The following C6 variants were observed in gnomAD, a reference collection of about 807,000 sequenced individuals.
C6 encodes complement component C6.
Under a neutral mutation model 112.9 loss-of-function variants are expected in C6, and 101 were observed. That is an observed-to-expected ratio of 0.89 (90% CI 0.76 to 1.06). The LOEUF is 1.06. C6 is among the 50% of genes least tolerant of loss of function. C6 has a pLI of 0.00. For synonymous variants in C6, 431 were observed against 384.1 expected (o/e 1.12, Z -1.43); for missense variants, 1,202 against 1,104.6 (o/e 1.09, Z -1.25).
chr5:41,214,537 T>C (rs1165750544), upstream of C6, among the ~76,000 whole-genome samples: 2 of 152,150 alleles, frequency 1.3e-5, no homozygotes, highest in Admixed American at 6.6e-5. Flanking sequence ...ATTTTAAAGA[T>C]TGAAATTTGG....
At chr5:41,145,600 A>G (rs369574797) in intron 17 of C6, among the ~76,000 whole-genome samples, 1 of 152,228 alleles carries the variant, frequency 6.6e-6, no homozygotes, top group African/African-American at 2.4e-5. Flanking sequence ...ATGGGGAAAA[A>G]TAGGGAAAGG....
At chr5:41,197,377 GTT>G (rs996400162) in intron 4 of C6, among the ~76,000 whole-genome samples, 2 of 152,020 alleles carry the variant, frequency 1.3e-5, no homozygotes, top group African/African-American at 4.8e-5. Context: ...TGCATTTCTA[GTT>G]TTTTTGTTTT....
Position 41,201,679 on chromosome 5 carries a change from A to T in C6, c.179T>A (p.Phe60Tyr). Residue 60 changes from phenylalanine (F) to tyrosine (Y), a missense_variant, in exon 3 of 18, where the codon TTT (phenylalanine) becomes TAT (tyrosine). Physicochemically the swap from Phe to Tyr is conservative, Grantham distance 22. Transcript: ENST00000337836. Reference protein sequence around the residue: ...IVVDKYYQENFCEQICSKQET... With the variant: ...IVVDKYYQENYCEQICSKQET... ...CTGCTTGCTGCAAATCTGTTCACAA[A>T]AGTTTTCCTGGTAGTACTTATCTAC... is the stretch of plus-strand genomic sequence containing the variant. 1.2e-6 allele frequency: 2 copies of T among 1,613,746 alleles called. No individual in the cohort carries two copies. Among genetic ancestry groups the T allele is most frequent in the South Asian group, 1.1e-5 (1 of 91,070 alleles).
At chr5:41,157,615 T>G in intron 13 of C6, among the ~76,000 whole-genome samples, 1 of 152,198 alleles carries the variant, frequency 6.6e-6, no homozygotes, top group South Asian at 2.1e-4. Context: ...CATAGATTGA[T>G]GGCTCTTGTT....
At chr5:41,203,342 A>G in intron 1 of C6, 92 bp from the exon 2 acceptor site, 1 of 1,386,558 alleles carries the variant, frequency 7.2e-7, no homozygotes, top group Non-Finnish European at 1.0e-6. Flanking sequence ...ATGTGATTTT[A>G]GAAAATATTT....
upstream of C6, among the ~76,000 whole-genome samples, chr5:41,217,670 TTTAG>T (rs1436401701): frequency 6.6e-6 from 1 of 152,146 alleles, no homozygotes; most frequent in East Asian, 1.9e-4. Flanking sequence ...TGAGCTACAA[TTTAG>T]TCTCCAAATC....
chr5:41,159,030 T>A, intron 12 of C6, 52 bp downstream of exon 12: 6 of 1,530,900 alleles, frequency 3.9e-6, no homozygotes, highest in African/African-American at 1.4e-5. Context: ...ACTCTCAATG[T>A]TATTGAGAGT....
chr5:41,181,565 GA>G lies in C6; in HGVS notation c.727-7del. On this transcript the variant is annotated splice_polypyrimidine_tract_variant and splice_region_variant and intron_variant, in intron 6 of 17. Coordinates refer to ENST00000337836, the MANE Select transcript of C6 (RefSeq NM_000065.5). ...TCATCTTCTGCAGTTTGTACCTGGA[GA>G]AAAATCCATGTAAAATAAAATATAA... is the stretch of plus-strand genomic sequence containing the variant. 1 of 1,606,944 alleles carries G rather than the reference GA, an allele frequency of 6.2e-7. No individual in the cohort carries two copies. Among genetic ancestry groups the G allele is most frequent in the Non-Finnish European group, 8.5e-7 (1 of 1,174,290 alleles).
intron 17 of C6, among the ~76,000 whole-genome samples, chr5:41,143,569 GAACCCTT>G (rs2150212418): frequency 6.6e-6 from 1 of 152,102 alleles, no homozygotes; most frequent in South Asian, 2.1e-4. Flanking sequence ...TTATTTTTTT[GAACCCTT>G]ACAGCAAACA....
intron 1 of C6, among the ~76,000 whole-genome samples, chr5:41,256,241 A>G (rs550506203): frequency 6.6e-6 from 1 of 151,982 alleles, no homozygotes; most frequent in Non-Finnish European, 1.5e-5. Flanking sequence ...TAATGCCGCA[A>G]TAAACATACG....
At chr5:41,174,296 T>C (rs902602660) in intron 8 of C6, among the ~76,000 whole-genome samples, 3 of 152,206 alleles carry the variant, frequency 2.0e-5, no homozygotes, top group Non-Finnish European at 4.4e-5. Flanking sequence ...AGCTACTTGA[T>C]ACTGCAGTAC....
chr5:41,176,165 A>C (rs997764197), intron 8 of C6, among the ~76,000 whole-genome samples: 1 of 152,224 alleles, frequency 6.6e-6, no homozygotes, highest in African/African-American at 2.4e-5. Context: ...ATTGGCATGC[A>C]TCTTCCTCTT....
rs554079156 is a variant in C6, at chr5:41,201,657, CT to C, written c.200del (p.Lys67SerfsTer56). On this transcript the variant is annotated frameshift_variant, in exon 3 of 18. Transcript: ENST00000337836. LOFTEE classifies it high-confidence loss of function. Reference protein sequence around the residue: ...QENFCEQICSKQETRECNWQR... With the variant: ...QENFCEQICSXQETRECNWQR... ...GCCAGTTACATTCTCTAGTCTCCTG[CT>C]TGCTGCAAATCTGTTCACAAAAGTT... 9.3e-6 allele frequency: 15 copies of C among 1,613,506 alleles called. No homozygotes were observed. Among genetic ancestry groups the C allele is most frequent in the Non-Finnish European group, 1.1e-5 (13 of 1,179,830 alleles).
At chr5:41,255,803 T>C (rs1344257445) in intron 1 of C6, among the ~76,000 whole-genome samples, 1 of 152,212 alleles carries the variant, frequency 6.6e-6, no homozygotes, top group Non-Finnish European at 1.5e-5. Flanking sequence ...AGTTGACCTG[T>C]GGTCCAATAA....
At chr5:41,169,242 A>G (rs1354316321) in intron 9 of C6, among the ~76,000 whole-genome samples, 1 of 152,142 alleles carries the variant, frequency 6.6e-6, no homozygotes, top group African/African-American at 2.4e-5. Context: ...CTGTGACTCT[A>G]GGATACTATC....
upstream of C6, among the ~76,000 whole-genome samples, chr5:41,214,257 G>A (rs559384657): frequency 2.6e-5 from 4 of 152,250 alleles, no homozygotes; most frequent in Non-Finnish European, 4.4e-5. Flanking sequence ...TCCCTCATTT[G>A]TAAAACAAGT....
intron 1 of C6, 147 bp from the exon 2 acceptor site, chr5:41,203,397 A>G: frequency 1.4e-6 from 1 of 739,716 alleles, no homozygotes; most frequent in Non-Finnish European, 2.3e-6. Context: ...CTACAAATTC[A>G]CATGCTCGTG....
chr5:41,192,892 G>C (rs1369783746), intron 5 of C6, among the ~76,000 whole-genome samples: 1 of 152,206 alleles, frequency 6.6e-6, no homozygotes, highest in East Asian at 1.9e-4. Context: ...AAGAAATGAA[G>C]CTTGATATCT....
At chr5:41,214,147 G>C (rs1025993338), upstream of C6, among the ~76,000 whole-genome samples, 3 of 151,982 alleles carry the variant, frequency 2.0e-5, no homozygotes, top group African/African-American at 4.8e-5. Flanking sequence ...AAAACTATAG[G>C]GACTGAGAAT....
Sources: gnomAD v4.1 joint callset for allele counts (sites outside exome capture counted in the v4.1 genomes callset) on GRCh38, gnomAD v4.1.1 for gene constraint, MANE v1.5 for transcripts, NCBI Gene and HGNC (gene_info 2026-07-23, HGNC 2026-07-21) for gene names.